Variants in LYPD6 observed in about 807,000 individuals in gnomAD.
LYPD6 encodes LY6/PLAUR domain containing 6.
Under a neutral mutation model 22.7 loss-of-function variants are expected in LYPD6, and 15 were observed. The ratio of observed to expected loss-of-function variants is 0.66; its 90% CI spans 0.44 to 1.02. The LOEUF is 1.02. Ranked by LOEUF, LYPD6 falls within the 50% of genes least tolerant of loss-of-function variation. The probability of loss-of-function intolerance (pLI) is 0.00; values close to 1 mark genes in which losing one functional copy is unlikely to be tolerated. For synonymous variants in LYPD6, 72 were observed against 77.5 expected, an observed-to-expected ratio of 0.93 and a Z score of 0.37; for missense variants, 189 against 208.4, an observed-to-expected ratio of 0.91 and a Z score of 0.57.
intron 1 of LYPD6, among the ~76,000 whole-genome samples, chr2:149,359,202 A>G (rs1170482375): frequency 6.6e-6 from 1 of 151,316 alleles, no homozygotes; most frequent in Non-Finnish European, 1.5e-5. Flanking sequence ...ATGACTGCAC[A>G]TCTTTGATTT....
chr2:149,442,218 A>G (rs1169834356), intron 2 of LYPD6, among the ~76,000 whole-genome samples: 1 of 152,226 alleles, frequency 6.6e-6, no homozygotes, highest in African/African-American at 2.4e-5. Flanking sequence ...GTTTGGATGC[A>G]TTACACATCA....
intron 3 of LYPD6, among the ~76,000 whole-genome samples, chr2:149,455,728 C>CTGACT (rs1680943060): frequency 6.6e-6 from 1 of 152,194 alleles, no homozygotes; most frequent in South Asian, 2.1e-4. Context: ...CACTTTTATC[C>CTGACT]TGACCACTGT....
intron 1 of LYPD6, among the ~76,000 whole-genome samples, chr2:149,366,987 C>A (rs11674414): frequency 6.6e-6 from 1 of 151,962 alleles, no homozygotes; most frequent in African/African-American, 2.4e-5. Context: ...TTTAGTTAAA[C>A]GTTTACATGA....
At chr2:149,475,085 C>A (rs13394974), downstream of LYPD6, among the ~76,000 whole-genome samples, 6,931 of 152,228 alleles carry the variant, frequency 0.046, 529 homozygotes, top group African/African-American at 0.16. Flanking sequence ...CCTTTCCTAA[C>A]ACATTTTTAA....
At chr2:149,362,409 C>T (rs895321616) in intron 1 of LYPD6, among the ~76,000 whole-genome samples, 4 of 151,980 alleles carry the variant, frequency 2.6e-5, no homozygotes, top group East Asian at 1.9e-4. Flanking sequence ...GGTTTGATAA[C>T]GAGTGGATAG....
chr2:149,377,786 C>CA (rs1681960677), intron 1 of LYPD6, among the ~76,000 whole-genome samples: 1 of 116,624 alleles, frequency 8.6e-6, no homozygotes, highest in Non-Finnish European at 1.8e-5. Flanking sequence ...TCCCCACCCC[C>CA]CCCCCCACCC....
chr2:149,437,323 C>T lies in LYPD6; in HGVS notation c.-71-315C>T, dbSNP rs1683455426. Among the ~76,000 whole-genome samples, 2 of 152,148 alleles carry T rather than the reference C, an allele frequency of 1.3e-5. 1 individual carries two copies. The highest frequency in any genetic ancestry group is 4.1e-4 in the South Asian group (2 of 4,830). On this transcript the variant is annotated intron_variant, in intron 1 of 4. Coordinates refer to ENST00000334166, the MANE Select transcript of LYPD6 (RefSeq NM_194317.5). ...TTTTGCTCCTGACTTCTTTATCGTA[C>T]TCTGGCAGCCATCCCCTGGCCTCCT...
intron 1 of LYPD6, among the ~76,000 whole-genome samples, chr2:149,385,073 G>T (rs1180269380): frequency 3.3e-5 from 5 of 152,086 alleles, no homozygotes; most frequent in Non-Finnish European, 4.4e-5. Flanking sequence ...ACCTTCAGTA[G>T]CTTCGTGGGA....
intron 2 of LYPD6, among the ~76,000 whole-genome samples, chr2:149,441,618 T>A (rs1683569813): frequency 6.6e-6 from 1 of 152,240 alleles, no homozygotes; most frequent in Admixed American, 6.5e-5. Flanking sequence ...TTTTCTATAA[T>A]CCTTGTGTCA....
intron 1 of LYPD6, among the ~76,000 whole-genome samples, chr2:149,413,261 G>A (rs1015452046): frequency 2.0e-5 from 3 of 152,198 alleles, no homozygotes; most frequent in African/African-American, 7.2e-5. Flanking sequence ...GCCCAGGAGA[G>A]ACTAAGATGG....
intron 3 of LYPD6, among the ~76,000 whole-genome samples, chr2:149,452,660 G>A (rs1359616116): frequency 1.3e-5 from 2 of 152,076 alleles, no homozygotes; most frequent in African/African-American, 2.4e-5. Flanking sequence ...TCTTATAAAC[G>A]CAGAATAAGT....
intron 1 of LYPD6, among the ~76,000 whole-genome samples, chr2:149,387,837 G>A (rs1682220870): frequency 6.6e-6 from 1 of 152,310 alleles, no homozygotes; most frequent in East Asian, 1.9e-4. Flanking sequence ...AATTGTCTTT[G>A]CATGTAGTGC....
At chr2:149,403,637 T>G (rs1357689778) in intron 1 of LYPD6, among the ~76,000 whole-genome samples, 1 of 150,456 alleles carries the variant, frequency 6.6e-6, no homozygotes, top group Non-Finnish European at 1.5e-5. Flanking sequence ...TATTAGCCCT[T>G]TGTCAGATGA....
At chr2:149,454,055 A>T (rs1463885715) in intron 3 of LYPD6, among the ~76,000 whole-genome samples, 1 of 152,234 alleles carries the variant, frequency 6.6e-6, no homozygotes, top group East Asian at 1.9e-4. Flanking sequence ...GTTACATTTT[A>T]TCCAACACTT....
intron 1 of LYPD6, among the ~76,000 whole-genome samples, chr2:149,426,444 T>C (rs775661220): frequency 6.6e-6 from 1 of 152,190 alleles, no homozygotes; most frequent in Non-Finnish European, 1.5e-5. Flanking sequence ...AGGTGAGCCA[T>C]ATTCTTCACG....
At chr2:149,478,377 G>GGTGTGTGTGTGTGTGTGTGTGTGT (rs55853638), downstream of LYPD6, among the ~76,000 whole-genome samples, 2 of 99,274 alleles carry the variant, frequency 2.0e-5, no homozygotes, top group African/African-American at 5.9e-5. Flanking sequence ...GGTATATAGA[G>GGTGTGTGTGTGTGTGTGTGTGTGT]GTGTGTGTGT....
intron 1 of LYPD6, among the ~76,000 whole-genome samples, chr2:149,353,192 C>T (rs544218024): frequency 6.6e-6 from 1 of 152,104 alleles, no homozygotes; most frequent in Non-Finnish European, 1.5e-5. Context: ...TGAAAATGCT[C>T]GTGAAGTTCA....
At chr2:149,402,428 G>A (rs937729984) in intron 1 of LYPD6, among the ~76,000 whole-genome samples, 1 of 152,154 alleles carries the variant, frequency 6.6e-6, no homozygotes, top group African/African-American at 2.4e-5. Context: ...GGATCAAATG[G>A]TAGATCTATT....
At chr2:149,331,484 G>A (rs1407901306) in intron 1 of LYPD6, among the ~76,000 whole-genome samples, 1 of 151,888 alleles carries the variant, frequency 6.6e-6, no homozygotes, top group Non-Finnish European at 1.5e-5. Flanking sequence ...CCCCTCTCCC[G>A]CCCCAGTATC....
Sources: gnomAD v4.1 joint callset for allele counts (sites outside exome capture counted in the v4.1 genomes callset) on GRCh38, gnomAD v4.1.1 for gene constraint, MANE v1.5 for transcripts, NCBI Gene and HGNC (gene_info 2026-07-23, HGNC 2026-07-21) for gene names.